The following KLRF1 variants were observed in gnomAD, a reference collection of about 807,000 sequenced individuals.
KLRF1 encodes killer cell lectin like receptor F1, also known as killer cell lectin-like receptor subfamily F member 1.
KLRF1 carries 27 observed loss-of-function variants against 30.7 expected under a neutral mutation model. That is an observed-to-expected ratio of 0.88 (90% CI 0.65 to 1.21). The LOEUF is 1.21. Among genes scored for constraint, KLRF1 ranks in the 50% most tolerant of loss-of-function variants. The pLI is 0.00. For missense variants in KLRF1, 246 were observed against 259.3 expected (o/e 0.95, Z 0.35); for synonymous variants, 92 against 89.3 (o/e 1.03, Z -0.17).
At chr12:9,832,572 A>G (rs891825986) in intron 2 of KLRF1, among the ~76,000 whole-genome samples, 158 bp downstream of exon 2, 1 of 152,130 alleles carries the variant, frequency 6.6e-6, no homozygotes, top group Admixed American at 6.6e-5. Context: ...CCACAGTGCT[A>G]TATTTAATAT....
upstream of KLRF1, among the ~76,000 whole-genome samples, chr12:9,825,789 C>T (rs1453450046): frequency 6.6e-6 from 1 of 152,130 alleles, no homozygotes; most frequent in African/African-American, 2.4e-5. Flanking sequence ...GGTCTAATAT[C>T]CAGCATCTGT....
upstream of KLRF1, among the ~76,000 whole-genome samples, chr12:9,823,667 A>G (rs1867251083): frequency 6.6e-6 from 1 of 152,068 alleles, no homozygotes; most frequent in Non-Finnish European, 1.5e-5. Context: ...ATTGAGATAC[A>G]AAAGAAACAT....
the KLRF1 span, among the ~76,000 whole-genome samples, chr12:9,810,453 T>A: frequency 6.6e-6 from 1 of 152,226 alleles, no homozygotes; most frequent in Non-Finnish European, 1.5e-5. Context: ...ACTATATGCT[T>A]AAATTTTCAC....
chr12:9,821,313 C>T, the KLRF1 span, among the ~76,000 whole-genome samples: 49 of 152,214 alleles, frequency 3.2e-4, no homozygotes, highest in African/African-American at 1.2e-3. Flanking sequence ...CAGGGGCAAC[C>T]AAAAGCCCAT....
intron 1 of KLRF1, among the ~76,000 whole-genome samples, chr12:9,828,737 T>C (rs997571485): frequency 6.6e-6 from 1 of 152,166 alleles, no homozygotes; most frequent in African/African-American, 2.4e-5. Context: ...GTATAAGAAA[T>C]TTATTGCCTC....
chr12:9,838,268 C>T (rs1867628064), intron 3 of KLRF1, among the ~76,000 whole-genome samples: 1 of 152,120 alleles, frequency 6.6e-6, no homozygotes, highest in South Asian at 2.1e-4. Flanking sequence ...ACAACTTTGA[C>T]TGGCTCTGAC....
At chr12:9,821,298 AC>A in the KLRF1 span, among the ~76,000 whole-genome samples, 5 of 151,784 alleles carry the variant, frequency 3.3e-5, no homozygotes, top group African/African-American at 1.2e-4. Flanking sequence ...CAGACATGAG[AC>A]CCCCAGGGGC....
chr12:9,843,923 T>A (rs1388846680), intron 5 of KLRF1, among the ~76,000 whole-genome samples: 2 of 152,154 alleles, frequency 1.3e-5, no homozygotes, highest in Non-Finnish European at 1.5e-5. Context: ...ATATTTTTAA[T>A]ATGTTACATT....
At chr12:9,827,866 C>A (rs1014563849) in intron 1 of KLRF1, among the ~76,000 whole-genome samples, 1 of 152,066 alleles carries the variant, frequency 6.6e-6, no homozygotes, top group African/African-American at 2.4e-5. Flanking sequence ...ATCTATGTTC[C>A]TTCATTTAAT....
chr12:9,834,419 C>CG (rs1158560472), intron 3 of KLRF1, among the ~76,000 whole-genome samples: 5 of 151,544 alleles, frequency 3.3e-5, no homozygotes, highest in South Asian at 2.1e-4. Flanking sequence ...AATTTGGGTG[C>CG]GGGGGGTAGC....
At chr12:9,816,575 A>G in the KLRF1 span, among the ~76,000 whole-genome samples, 13 of 151,404 alleles carry the variant, frequency 8.6e-5, no homozygotes, top group African/African-American at 3.2e-4. Flanking sequence ...TGCAGAAAAC[A>G]TTCTATTTTT....
At chr12:9,813,144 T>A in the KLRF1 span, among the ~76,000 whole-genome samples, 3 of 151,906 alleles carry the variant, frequency 2.0e-5, no homozygotes, top group Admixed American at 6.6e-5. Context: ...TTTATTTTTT[T>A]AATTAATTAA....
chr12:9,800,234 A>G, the KLRF1 span, among the ~76,000 whole-genome samples: 260 of 152,258 alleles, frequency 1.7e-3, no homozygotes, highest in African/African-American at 6.0e-3. Context: ...ATTGCTCCAC[A>G]TCTTTATCAG....
rs117937771 is a variant in KLRF1 at position 9,829,041 on chromosome 12, G to A, written c.85+1412G>A. On this transcript the variant is annotated intron_variant, in intron 1 of 5. Transcript: ENST00000617889. ...ATTTTATGTGAATTAGATTGACAAT[G>A]TGAGCCTTGGGGTTATGATGTTCAT... Among the ~76,000 whole-genome samples, 271 of 152,274 alleles carry A rather than the reference G, an allele frequency of 1.8e-3. 1 individual carries two copies. The highest frequency in any genetic ancestry group is 6.8e-3 in the Middle Eastern group (2 of 292).
At chr12:9,822,581 A>G (rs1867238778), upstream of KLRF1, among the ~76,000 whole-genome samples, 1 of 152,232 alleles carries the variant, frequency 6.6e-6, no homozygotes, top group Admixed American at 6.5e-5. Flanking sequence ...ATAATAACCA[A>G]CTAACAATAC....
chr12:9,842,959 G>C (rs1867737683), intron 5 of KLRF1, among the ~76,000 whole-genome samples: 1 of 152,120 alleles, frequency 6.6e-6, no homozygotes, highest in African/African-American at 2.4e-5. Flanking sequence ...CTATTCCTAT[G>C]TTAGCAGGCA....
chr12:9,838,961 T>C (rs776552374), intron 3 of KLRF1, among the ~76,000 whole-genome samples: 2 of 152,166 alleles, frequency 1.3e-5, no homozygotes, highest in South Asian at 2.1e-4. Flanking sequence ...CCCCCTAATT[T>C]ATATATTAAA....
At chr12:9,826,161 G>A (rs891604310), upstream of KLRF1, among the ~76,000 whole-genome samples, 1 of 152,068 alleles carries the variant, frequency 6.6e-6, no homozygotes, top group Non-Finnish European at 1.5e-5. Flanking sequence ...GTGCAAATTT[G>A]TTACATAGGT....
the KLRF1 span, among the ~76,000 whole-genome samples, chr12:9,804,735 C>A: frequency 3.9e-5 from 6 of 151,984 alleles, no homozygotes; most frequent in African/African-American, 1.4e-4. Flanking sequence ...GGGAAAGCCT[C>A]AAGTCTGTTA....
Sources: gnomAD v4.1 joint callset for allele counts (sites outside exome capture counted in the v4.1 genomes callset) on GRCh38, gnomAD v4.1.1 for gene constraint, MANE v1.5 for transcripts, NCBI Gene and HGNC (gene_info 2026-07-23, HGNC 2026-07-21) for gene names.